The following LHFPL6 variants were observed in gnomAD, a reference collection of about 807,000 sequenced individuals.
The protein encoded by LHFPL6 is LHFPL tetraspan subfamily member 6.
In LHFPL6, 9 loss-of-function variants were observed where a neutral mutation model predicts 20.6. The observed-to-expected ratio is 0.44, with a 90% CI of 0.26 to 0.76. LHFPL6 has a LOEUF of 0.76. Among genes scored for constraint, LHFPL6 ranks in the 30% least tolerant of loss-of-function variants. LHFPL6 has a pLI of 0.20. For missense variants in LHFPL6, 218 were observed against 253.5 expected (o/e 0.86, Z 0.95); for synonymous variants, 105 against 98.7 (o/e 1.06, Z -0.38).
intron 2 of LHFPL6, among the ~76,000 whole-genome samples, chr13:39,455,416 G>A (rs973221812): frequency 6.6e-6 from 1 of 152,098 alleles, no homozygotes; most frequent in Non-Finnish European, 1.5e-5. Flanking sequence ...AAGGAGAAAA[G>A]GTGTGGTTTT....
intron 2 of LHFPL6, 61 bp from the exon 3 acceptor site, chr13:39,378,587 G>T: frequency 7.8e-7 from 1 of 1,277,022 alleles, no homozygotes; most frequent in South Asian, 1.2e-5. Flanking sequence ...AGATAAAGGT[G>T]GTGGGATCAA....
chr13:39,548,713 A>G (rs1334267583), intron 2 of LHFPL6, among the ~76,000 whole-genome samples: 1 of 152,128 alleles, frequency 6.6e-6, no homozygotes, highest in Non-Finnish European at 1.5e-5. Flanking sequence ...ATGCCTCAGT[A>G]AAAGAAACCG....
At chr13:39,459,337 C>T (rs1280018138) in intron 2 of LHFPL6, among the ~76,000 whole-genome samples, 2 of 151,740 alleles carry the variant, frequency 1.3e-5, no homozygotes, top group Non-Finnish European at 2.9e-5. Context: ...TGTTTTCCTT[C>T]CTTTCCTTAA....
rs1869289535 is a variant in LHFPL6, at chr13:39,343,059, A to T, written c.*877T>A. 1 of 199,322 alleles carries T rather than the reference A, an allele frequency of 5.0e-6. No homozygotes were observed. Among genetic ancestry groups the T allele is most frequent in the South Asian group, 1.9e-4 (1 of 5,226 alleles). 12.3% of individuals were successfully genotyped at this position (199,322 alleles called of 1,614,324 possible). A position where few individuals can be genotyped will look rare whatever the true frequency, so the allele number is the denominator to read the frequency against. Reference sequence around the variant, plus strand: ...CTGGAAAATGTCTCTCATTACTCTCATATCTTCGGCTGAATTCTCTCCTAT... The same window carrying T: ...CTGGAAAATGTCTCTCATTACTCTCTTATCTTCGGCTGAATTCTCTCCTAT... On this transcript the variant is annotated 3_prime_UTR_variant, in exon 4 of 4. Transcript: ENST00000379589.
intron 2 of LHFPL6, among the ~76,000 whole-genome samples, chr13:39,534,310 T>G (rs1870553727): frequency 6.6e-6 from 1 of 152,164 alleles, no homozygotes; most frequent in Admixed American, 6.5e-5. Context: ...CCTCCTGCCC[T>G]CACCCAAGAT....
chr13:39,363,065 G>T (rs751403384), intron 3 of LHFPL6, among the ~76,000 whole-genome samples: 29 of 152,178 alleles, frequency 1.9e-4, no homozygotes, highest in Non-Finnish European at 4.3e-4. Flanking sequence ...GAAAAAAGGG[G>T]TTTTTCCAGC....
intron 2 of LHFPL6, among the ~76,000 whole-genome samples, chr13:39,442,549 T>C (rs751427103): frequency 6.6e-6 from 1 of 152,160 alleles, no homozygotes; most frequent in Non-Finnish European, 1.5e-5. Flanking sequence ...GAAGAAGGCA[T>C]AGGCTGGGAA....
At chr13:39,511,930 C>A (rs951117814) in intron 2 of LHFPL6, among the ~76,000 whole-genome samples, 6 of 152,144 alleles carry the variant, frequency 3.9e-5, no homozygotes, top group African/African-American at 1.4e-4. Context: ...TTTCCAACAC[C>A]TTCTGAAAGT....
intron 2 of LHFPL6, among the ~76,000 whole-genome samples, chr13:39,507,252 C>G (rs1424385230): frequency 6.6e-6 from 1 of 152,216 alleles, no homozygotes; most frequent in African/African-American, 2.4e-5. Context: ...AAGCAGTGCT[C>G]TGTGGCCCAC....
intron 2 of LHFPL6, among the ~76,000 whole-genome samples, chr13:39,379,053 T>C (rs1870369810): frequency 6.6e-6 from 1 of 151,612 alleles, no homozygotes; most frequent in South Asian, 2.1e-4. Flanking sequence ...CTGCCCATTA[T>C]TAGGCGATGT....
chr13:39,572,175 TAA>T (rs1355939119), intron 2 of LHFPL6, among the ~76,000 whole-genome samples: 1 of 152,138 alleles, frequency 6.6e-6, no homozygotes, highest in Non-Finnish European at 1.5e-5. Context: ...TTCATAAAAA[TAA>T]AGACACCTAA....
At chr13:39,456,808 T>G (rs1480412099) in intron 2 of LHFPL6, among the ~76,000 whole-genome samples, 4 of 152,170 alleles carry the variant, frequency 2.6e-5, no homozygotes, top group African/African-American at 9.7e-5. Flanking sequence ...TTCTTTTTTT[T>G]TTTTTTGAGA....
intron 2 of LHFPL6, among the ~76,000 whole-genome samples, chr13:39,599,327 A>G (rs1490768242): frequency 6.6e-6 from 1 of 152,244 alleles, no homozygotes; most frequent in Non-Finnish European, 1.5e-5. Flanking sequence ...AAAATTTTAA[A>G]TACTCTTGGC....
intron 3 of LHFPL6, among the ~76,000 whole-genome samples, chr13:39,361,490 C>T (rs1315504647): frequency 6.6e-6 from 1 of 151,940 alleles, no homozygotes; most frequent in African/African-American, 2.4e-5. Context: ...GCTAATTTTT[C>T]TATTTTTAGT....
intron 2 of LHFPL6, among the ~76,000 whole-genome samples, chr13:39,505,976 A>T (rs1869463810): frequency 6.6e-6 from 1 of 152,198 alleles, no homozygotes; most frequent in South Asian, 2.1e-4. Context: ...TCTGCGGAAC[A>T]TCTCTCCTTT....
At chr13:39,599,563 C>A (rs1421243679) in intron 2 of LHFPL6, among the ~76,000 whole-genome samples, 1 of 152,108 alleles carries the variant, frequency 6.6e-6, no homozygotes, top group Non-Finnish European at 1.5e-5. Flanking sequence ...GACTAAGGTG[C>A]AAACCCAATG....
chr13:39,377,843 T>C (rs1870332123), intron 3 of LHFPL6, among the ~76,000 whole-genome samples: 1 of 152,244 alleles, frequency 6.6e-6, no homozygotes, highest in Non-Finnish European at 1.5e-5. Context: ...TGACTCTTCC[T>C]GTTGCTGGAA....
chr13:39,452,138 T>C (rs1872466079), intron 2 of LHFPL6, among the ~76,000 whole-genome samples: 1 of 149,618 alleles, frequency 6.7e-6, no homozygotes, highest in African/African-American at 2.5e-5. Flanking sequence ...AGAGTTTAAA[T>C]GAGGTCAACA....
intron 3 of LHFPL6, among the ~76,000 whole-genome samples, chr13:39,353,205 C>CA (rs1869638397): frequency 6.6e-6 from 1 of 151,038 alleles, no homozygotes; most frequent in South Asian, 2.1e-4. Context: ...TGGCTGGTCT[C>CA]AAACTCCTGA....
Sources: allele counts gnomAD v4.1 joint callset (sites outside exome capture counted in the v4.1 genomes callset), GRCh38; gene constraint gnomAD v4.1.1; transcripts MANE v1.5; gene names NCBI Gene and HGNC (gene_info 2026-07-23, HGNC 2026-07-21).